PHAX: variants seen among roughly 807,000 people sequenced by gnomAD.
PHAX encodes phosphorylated adapter RNA export protein.
In PHAX, 31 loss-of-function variants were observed where a neutral mutation model predicts 41.6. The ratio of observed to expected loss-of-function variants is 0.75; its 90% CI spans 0.56 to 1.01. The LOEUF (loss-of-function observed/expected upper bound fraction) is 1.01. Among genes scored for constraint, PHAX ranks in the 50% least tolerant of loss-of-function variants. The probability of loss-of-function intolerance (pLI) is 0.00; values close to 1 mark genes in which losing one functional copy is unlikely to be tolerated. For missense variants in PHAX, 453 were observed against 472.9 expected (o/e 0.96, Z 0.39); for synonymous variants, 175 against 164.9 (o/e 1.06, Z -0.47).
chr5:126,608,749 C>T (rs1190537561), intron 3 of PHAX, among the ~76,000 whole-genome samples: 1 of 151,742 alleles, frequency 6.6e-6, no homozygotes, highest in Non-Finnish European at 1.5e-5. Context: ...CCAGCCTGAC[C>T]AACATGGAGA....
At chr5:126,611,762 G>A (rs1752105383) in intron 3 of PHAX, among the ~76,000 whole-genome samples, 1 of 150,832 alleles carries the variant, frequency 6.6e-6, no homozygotes, top group Non-Finnish European at 1.5e-5. Context: ...CTGCGCTCCA[G>A]CTTGGGTGAC....
chr5:126,605,320 C>T (rs916442121), intron 2 of PHAX, among the ~76,000 whole-genome samples: 13 of 152,022 alleles, frequency 8.6e-5, no homozygotes, highest in Non-Finnish European at 1.9e-4. Context: ...AGCCACTGTA[C>T]CTGAGTCTTT....
intron 3 of PHAX, 116 bp downstream of exon 3, chr5:126,608,600 T>C (rs1752024951): frequency 1.3e-6 from 1 of 795,030 alleles, no homozygotes; most frequent in South Asian, 1.8e-5. Flanking sequence ...TCTTACAGTA[T>C]GTTTGAAGTT....
At chr5:126,621,705 G>T (rs1752275167) in intron 4 of PHAX, among the ~76,000 whole-genome samples, 1 of 151,580 alleles carries the variant, frequency 6.6e-6, no homozygotes, top group Non-Finnish European at 1.5e-5. Flanking sequence ...AAGGAAAAAA[G>T]CAATAGTTAA....
intron 3 of PHAX, among the ~76,000 whole-genome samples, chr5:126,612,562 A>G (rs1160006375): frequency 6.6e-6 from 1 of 151,998 alleles, no homozygotes; most frequent in Non-Finnish European, 1.5e-5. Flanking sequence ...TTAGCCAGGT[A>G]TGGTGGTGTA....
In PHAX at chr5:126,626,763, T is replaced by C. The variant is rs1166504252; in HGVS notation, c.*1919T>C. ...AAAAAAAAAAAAAAATACAAAAAAT[T>C]AGCCGGGCATTGTGGTGCATGCCTG... On this transcript the variant is annotated 3_prime_UTR_variant, in exon 5 of 5. Transcript: ENST00000297540. 2.9e-5 allele frequency: 4 copies of C among 137,220 alleles called. No individual in the cohort carries two copies. Among genetic ancestry groups the C allele is most frequent in the Non-Finnish European group, 4.6e-5 (3 of 65,586 alleles). 8.5% of individuals were successfully genotyped at this position (137,220 alleles called of 1,614,324 possible).
At chr5:126,620,621 A>G (rs1261428790) in intron 4 of PHAX, among the ~76,000 whole-genome samples, 1 of 152,182 alleles carries the variant, frequency 6.6e-6, no homozygotes, top group African/African-American at 2.4e-5. Context: ...TAGGGAAAGG[A>G]TTTTAATACT....
At chr5:126,606,801 G>A (rs964037591) in intron 2 of PHAX, among the ~76,000 whole-genome samples, 4 of 148,564 alleles carry the variant, frequency 2.7e-5, no homozygotes, top group African/African-American at 7.7e-5. Context: ...AGAGGCGTGC[G>A]CCACCACGCC....
chr5:126,601,486 T>C (rs993183775), intron 1 of PHAX, among the ~76,000 whole-genome samples: 24 of 152,214 alleles, frequency 1.6e-4, no homozygotes, highest in South Asian at 4.1e-4. Flanking sequence ...TTGCCAAATA[T>C]GTAGCATCTA....
chr5:126,621,935 G>A (rs1220091976), intron 4 of PHAX, among the ~76,000 whole-genome samples: 2 of 152,080 alleles, frequency 1.3e-5, no homozygotes, highest in African/African-American at 4.8e-5. Flanking sequence ...TAACGCATGG[G>A]AATGAAGTTT....
chr5:126,609,989 G>A (rs945707047), intron 3 of PHAX, among the ~76,000 whole-genome samples: 6 of 152,126 alleles, frequency 3.9e-5, no homozygotes, highest in African/African-American at 1.4e-4. Flanking sequence ...CGCCTGCCTC[G>A]GCCTCCCAAA....
At chr5:126,619,026 T>C (rs1048776276) in intron 4 of PHAX, among the ~76,000 whole-genome samples, 2 of 152,082 alleles carry the variant, frequency 1.3e-5, no homozygotes, top group African/African-American at 4.8e-5. Flanking sequence ...TTGACCTCCC[T>C]GGTCTTAGAT....
intron 2 of PHAX, among the ~76,000 whole-genome samples, chr5:126,607,535 C>G (rs892489527): frequency 7.9e-5 from 12 of 151,812 alleles, no homozygotes; most frequent in Admixed American, 5.9e-4. Context: ...TCCCAAGTAG[C>G]TGGGATTATA....
In PHAX at chr5:126,603,949, A is replaced by G. The variant is rs149852751; in HGVS notation, c.476A>G (p.Lys159Arg). ...ACCTACAATTATTTGCTTGCCAAGA[A>G]ACTTAGGAAGGAATCTCAAGAGCAT... ...SETYNYLLAKKLRKESQEHTK... is the reference protein window; with the variant it reads ...SETYNYLLAKRLRKESQEHTK... Residue 159 changes from lysine (K) to arginine (R), a missense_variant, in exon 2 of 5, where the codon AAA becomes AGA. Coordinates refer to ENST00000297540, the MANE Select transcript of PHAX (RefSeq NM_032177.4). 1 of 1,614,156 alleles carries G rather than the reference A, an allele frequency of 6.2e-7. No homozygotes were observed. Among genetic ancestry groups the G allele is most frequent in the Non-Finnish European group, 8.5e-7 (1 of 1,180,040 alleles).
At chr5:126,617,523 G>C (rs1250744330) in intron 4 of PHAX, among the ~76,000 whole-genome samples, 190 bp downstream of exon 4, 7 of 152,106 alleles carry the variant, frequency 4.6e-5, no homozygotes, top group Non-Finnish European at 7.4e-5. Flanking sequence ...CTGTCACCCA[G>C]GCTGGAGTGT....
Position 126,603,009 on chromosome 5 carries a change from A to G in PHAX, c.97-561A>G, listed in dbSNP as rs571634634. Among the ~76,000 whole-genome samples, 21 of 76,594 alleles carry G rather than the reference A, an allele frequency of 2.7e-4. No homozygotes were observed. In the East Asian group the frequency reaches 7.0e-3, roughly 26 times the overall value. The allele number at this position is 76,594 out of a possible 152,430, so 50.2% of individuals were successfully genotyped here. ...GACAGAGCAAGACTCCCATCTCAAG[A>G]AAAAAAAAAAAAATACATGCCCAGC... On this transcript the variant is annotated intron_variant, in intron 1 of 4. Coordinates refer to ENST00000297540, the MANE Select transcript of PHAX (RefSeq NM_032177.4).
At chr5:126,624,469 G>A in intron 4 of PHAX, 106 bp from the exon 5 acceptor site, 1 of 888,688 alleles carries the variant, frequency 1.1e-6, no homozygotes, top group South Asian at 1.7e-5. Flanking sequence ...AATAATACTT[G>A]TATTTTTTGT....
In PHAX at chr5:126,627,195, G is replaced by A. The variant is rs1438701011; in HGVS notation, c.*2351G>A. ...TGGATCTAAGAGGAAAGTGGTTATCGGTTGCTTTTTATTTATAAAGGATGC... is the reference window on the plus strand; with the variant it reads ...TGGATCTAAGAGGAAAGTGGTTATCAGTTGCTTTTTATTTATAAAGGATGC... On this transcript the variant is annotated 3_prime_UTR_variant, in exon 5 of 5. Transcript: ENST00000297540. The A allele has an allele frequency of 2.6e-5, 4 of 152,184 alleles. No individual in the cohort carries two copies. Among genetic ancestry groups the A allele is most frequent in the Middle Eastern group, 3.4e-3 (1 of 294 alleles). 9.4% of individuals were successfully genotyped at this position (152,184 alleles called of 1,614,324 possible).
intron 4 of PHAX, among the ~76,000 whole-genome samples, chr5:126,620,318 C>A (rs1752250119): frequency 6.6e-6 from 1 of 152,154 alleles, no homozygotes; most frequent in Non-Finnish European, 1.5e-5. Context: ...CAAAGTAATT[C>A]TTGACAAAAA....
Sources: allele counts gnomAD v4.1 joint callset (sites outside exome capture counted in the v4.1 genomes callset), GRCh38; gene constraint gnomAD v4.1.1; transcripts MANE v1.5; gene names NCBI Gene and HGNC (gene_info 2026-07-23, HGNC 2026-07-21).